ARL15: variants seen among roughly 807,000 people sequenced by gnomAD.
ARL15 encodes ARF like GTPase 15.
ARL15 carries 19 observed loss-of-function variants against 25.2 expected under a neutral mutation model. The observed-to-expected ratio is 0.75, with a 90% confidence interval of 0.53 to 1.10. The LOEUF is 1.10. Ranked by LOEUF, ARL15 falls within the 50% of genes least tolerant of loss-of-function variation. The probability of loss-of-function intolerance (pLI) is 0.00; values close to 1 mark genes in which losing one functional copy is unlikely to be tolerated. For missense variants in ARL15, 220 were observed against 246.0 expected, an observed-to-expected ratio of 0.89 and a Z score of 0.71; for synonymous variants, 94 against 86.8, an observed-to-expected ratio of 1.08 and a Z score of -0.46.
intron 1 of ARL15, among the ~76,000 whole-genome samples, chr5:54,241,306 T>A (rs555994075): frequency 6.6e-6 from 1 of 152,192 alleles, no homozygotes; most frequent in South Asian, 2.1e-4. Flanking sequence ...ATTACCAGAG[T>A]AATCTAAATA....
At chr5:54,140,405 T>C (rs1753735509) in intron 3 of ARL15, among the ~76,000 whole-genome samples, 1 of 150,056 alleles carries the variant, frequency 6.7e-6, no homozygotes, top group Non-Finnish European at 1.5e-5. Flanking sequence ...TATATATGCG[T>C]GTGTGGATAG....
intron 2 of ARL15, among the ~76,000 whole-genome samples, chr5:54,155,673 T>C (rs959207415): frequency 5.2e-4 from 62 of 119,662 alleles, no homozygotes; most frequent in African/African-American, 2.0e-3. Context: ...AGTGTGTATA[T>C]ACCCATTCAC....
At chr5:53,961,666 C>A (rs990942684) in intron 4 of ARL15, among the ~76,000 whole-genome samples, 1 of 152,058 alleles carries the variant, frequency 6.6e-6, no homozygotes, top group Non-Finnish European at 1.5e-5. Flanking sequence ...GAGAAATACA[C>A]ACATAGGTTT....
At chr5:54,029,317 C>A (rs1368747157) in intron 4 of ARL15, among the ~76,000 whole-genome samples, 3 of 119,038 alleles carry the variant, frequency 2.5e-5, no homozygotes, top group Non-Finnish European at 5.2e-5. Flanking sequence ...ACCACCACCA[C>A]CACCACCACC....
intron 4 of ARL15, among the ~76,000 whole-genome samples, chr5:54,071,553 A>C (rs1198218310): frequency 7.8e-6 from 1 of 128,266 alleles, no homozygotes; most frequent in Non-Finnish European, 1.6e-5. Flanking sequence ...CTCTGCATTC[A>C]AGTAGGAAAC....
At chr5:54,262,890 G>A (rs985782434) in intron 1 of ARL15, among the ~76,000 whole-genome samples, 24 of 152,190 alleles carry the variant, frequency 1.6e-4, no homozygotes, top group African/African-American at 4.6e-4. Context: ...TCTGTTTGCC[G>A]GGCACTGGCA....
chr5:54,270,449 G>A (rs1252287105), intron 1 of ARL15, among the ~76,000 whole-genome samples: 7 of 152,204 alleles, frequency 4.6e-5, no homozygotes, highest in African/African-American at 1.7e-4. Context: ...TCCTATCACT[G>A]CTACCTACCA....
At chr5:54,021,900 G>C (rs1177555908) in intron 4 of ARL15, among the ~76,000 whole-genome samples, 1 of 152,030 alleles carries the variant, frequency 6.6e-6, no homozygotes, top group Non-Finnish European at 1.5e-5. Context: ...AGGGCAGAAA[G>C]GGACACCTCA....
chr5:54,192,539 G>A (rs10491417), intron 1 of ARL15, among the ~76,000 whole-genome samples: 29,885 of 151,448 alleles, frequency 0.2, 3,359 homozygotes, highest in Admixed American at 0.31. Context: ...GAAGGAACAT[G>A]CATCCTTTTA....
chr5:54,137,878 C>CTT (rs3836816), intron 3 of ARL15, among the ~76,000 whole-genome samples: 4 of 144,628 alleles, frequency 2.8e-5, no homozygotes, highest in African/African-American at 1.0e-4. Flanking sequence ...AGAGAGAAAG[C>CTT]TTTTTTTTTT....
chr5:54,158,500 A>G (rs1411070659), intron 2 of ARL15, among the ~76,000 whole-genome samples: 1 of 152,222 alleles, frequency 6.6e-6, no homozygotes, highest in Non-Finnish European at 1.5e-5. Context: ...ATAGGATCTC[A>G]ATATGCTAAG....
At position 53,885,247 on chromosome 5, in the gene ARL15, G is replaced by A. The variant is rs1410841501; in HGVS notation, c.*1314C>T. On this transcript the variant is annotated 3_prime_UTR_variant, in exon 5 of 5. Transcript: ENST00000504924. The stretch of plus-strand genomic sequence containing the variant: ...ATCATTTGGCCACTTAGTATTTTAA[G>A]TGGTCAAAGTCTACAAAGTATGCCA... 1.3e-5 allele frequency: 2 copies of A among 152,524 alleles called. No homozygotes were observed. Among genetic ancestry groups the A allele is most frequent in the African/African-American group, 2.4e-5 (1 of 41,416 alleles). The allele number at this position is 152,524 out of a possible 1,614,324, so 9.4% of individuals were successfully genotyped here.
chr5:53,958,072 C>A (rs1257579935), intron 4 of ARL15, among the ~76,000 whole-genome samples: 1 of 150,858 alleles, frequency 6.6e-6, no homozygotes. Context: ...TAACCAGGCA[C>A]GGTGGTGGCT....
chr5:53,897,434 T>A (rs1276419761), intron 4 of ARL15, among the ~76,000 whole-genome samples: 1 of 152,252 alleles, frequency 6.6e-6, no homozygotes, highest in Non-Finnish European at 1.5e-5. Context: ...CATCCCTTTT[T>A]ACGGCTGAAT....
chr5:53,920,651 T>TAATAAATAAATA lies in ARL15; in HGVS notation c.463-33950_463-33939dup, dbSNP rs377705778. 8.1e-3 allele frequency among the ~76,000 whole-genome samples: 1,146 copies of TAATAAATAAATA among 141,196 alleles called. 10 individuals carry two copies. Among genetic ancestry groups the TAATAAATAAATA allele is most frequent in the African/African-American group, 9.1e-3 (350 of 38,390 alleles). 92.6% of individuals were successfully genotyped at this position (141,196 alleles called of 152,430 possible). On this transcript the variant is annotated intron_variant, in intron 4 of 4. Transcript: ENST00000504924. ...GTGAGACTCTGTCTCTATTAAAAAA[T>TAATAAATAAATA]AATAAATAAATAAATAAATAAATAA...
intron 4 of ARL15, among the ~76,000 whole-genome samples, chr5:54,043,131 A>C (rs1025531151): frequency 2.6e-5 from 4 of 151,992 alleles, no homozygotes; most frequent in Non-Finnish European, 5.9e-5. Context: ...TAAAACAAGC[A>C]CAACCTTCTC....
At chr5:53,947,167 GGTGTGTGTGTGTGTGTGTGTGT>G (rs3222349) in intron 4 of ARL15, among the ~76,000 whole-genome samples, 11 of 123,660 alleles carry the variant, frequency 8.9e-5, no homozygotes, top group African/African-American at 2.7e-4. Context: ...AATAAATAAG[GGTGTGTGTGTGTGTGTGTGTGT>G]GTGTGTGTGT....
At chr5:54,111,728 G>A (rs543965043) in intron 4 of ARL15, among the ~76,000 whole-genome samples, 1 of 152,096 alleles carries the variant, frequency 6.6e-6, no homozygotes, top group East Asian at 1.9e-4. Context: ...TCTACATGTA[G>A]TAGTGTACAC....
In ARL15 at chr5:54,079,967, TCACACACACACACACACACA is replaced by T. The variant is rs58908566; in HGVS notation, c.462+33215_462+33234del. Among the ~76,000 whole-genome samples, 56 of 124,382 alleles carry T rather than the reference TCACACACACACACACACACA, an allele frequency of 4.5e-4. 1 individual carries two copies. The highest frequency in any genetic ancestry group is 4.3e-4 in the Non-Finnish European group (26 of 59,776). 81.6% of individuals were successfully genotyped at this position (124,382 alleles called of 152,430 possible). ...CCTCGGTGACAAGAGTGAGACTCCG[TCACACACACACACACACACA>T]CACACACACACACACACACACACAC... On this transcript the variant is annotated intron_variant, in intron 4 of 4. Coordinates refer to ENST00000504924, the MANE Select transcript of ARL15 (RefSeq NM_019087.3).
Sources: allele counts gnomAD v4.1 joint callset (sites outside exome capture counted in the v4.1 genomes callset), GRCh38; gene constraint gnomAD v4.1.1; transcripts MANE v1.5; gene names NCBI Gene and HGNC (gene_info 2026-07-23, HGNC 2026-07-21).